MID2: variants seen among roughly 807,000 people sequenced by gnomAD.
The protein encoded by MID2 is midline 2, also known as probable E3 ubiquitin-protein ligase MID2.
Under a neutral mutation model 46.1 loss-of-function variants are expected in MID2, and 13 were observed. The observed-to-expected ratio is 0.28, with a 90% confidence interval of 0.18 to 0.45. MID2 has a LOEUF of 0.45. MID2 is among the 20% of genes least tolerant of loss of function. The probability of loss-of-function intolerance (pLI) is 1.00; values close to 1 mark genes in which losing one functional copy is unlikely to be tolerated. For missense variants in MID2, 431 were observed against 575.4 expected (o/e 0.75, Z 2.57); for synonymous variants, 199 against 212.3 (o/e 0.94, Z 0.55).
chrX:107,926,675 G>A lies in MID2; in HGVS notation c.1810G>A (p.Ala604Thr). Reference sequence around the variant, plus strand: ...CTCCTTTCCACTGTCTCACAGGTATGCAATTGGCATTGCCTACAAATCAGC... The same window carrying A: ...CTCCTTTCCACTGTCTCACAGGTATACAATTGGCATTGCCTACAAATCAGC... Reference protein sequence around the residue: ...EVVMGSSTWYAIGIAYKSAPK... With the variant: ...EVVMGSSTWYTIGIAYKSAPK... Residue 604 changes from alanine to threonine, a missense_variant, in exon 10 of 10, where the codon GCA (alanine) becomes ACA (threonine). Transcript: ENST00000262843. The A allele has an allele frequency of 8.3e-7, 1 of 1,206,802 alleles. No homozygotes were observed. The highest frequency in any genetic ancestry group is 1.8e-5 in the South Asian group (1 of 56,538).
At chrX:107,868,393 C>A (rs753177172) in intron 3 of MID2, among the ~76,000 whole-genome samples, 1 of 111,260 alleles carries the variant, frequency 9.0e-6, no homozygotes, top group East Asian at 2.8e-4. Flanking sequence ...ACTTAAATAT[C>A]TTGAAATGTC....
intron 3 of MID2, among the ~76,000 whole-genome samples, chrX:107,871,223 AC>A (rs1041924890): frequency 9.0e-6 from 1 of 111,386 alleles, no homozygotes; most frequent in African/African-American, 3.3e-5. Flanking sequence ...AATTTCCCTG[AC>A]CCCTTTGCTG....
intron 5 of MID2, 79 bp from the exon 6 acceptor site, chrX:107,915,923 T>G: frequency 1.0e-6 from 1 of 981,656 alleles, no homozygotes; most frequent in Non-Finnish European, 1.4e-6. Context: ...TATTTTCTCC[T>G]TGTTAAACCA....
At chrX:107,884,411 AC>A (rs1363221548) in intron 3 of MID2, among the ~76,000 whole-genome samples, 2 of 112,247 alleles carry the variant, frequency 1.8e-5, no homozygotes, top group African/African-American at 6.5e-5. Context: ...GATTCTCATA[AC>A]CACTTGTGAG....
At chrX:107,863,334 C>T (rs1931896231) in intron 3 of MID2, among the ~76,000 whole-genome samples, 1 of 112,034 alleles carries the variant, frequency 8.9e-6, no homozygotes, top group African/African-American at 3.2e-5. Flanking sequence ...TCCTCCCTCA[C>T]ATCTATAGGG....
In MID2 at chrX:107,916,162, A is replaced by AT. The variant is rs749818994; in HGVS notation, c.1201+41dup. The AT allele has an allele frequency of 1.1e-4, 121 of 1,058,513 alleles. No homozygotes were observed. In the African/African-American group the frequency reaches 2.1e-3, roughly 19 times the overall value. 87.2% of individuals were successfully genotyped at this position (1,058,513 alleles called of 1,213,427 possible). A position where few individuals can be genotyped will look rare whatever the true frequency, so the allele number is the denominator to read the frequency against. Reference sequence around the variant, plus strand: ...AATACTGTGCTTTCCTTTCCATTTAATTTTTTTTCTTCTGGTATGCTTTTA... The same window carrying AT: ...AATACTGTGCTTTCCTTTCCATTTAATTTTTTTTTCTTCTGGTATGCTTTTA... On this transcript the variant is annotated intron_variant, in intron 6 of 9. Coordinates refer to ENST00000262843, the MANE Select transcript of MID2 (RefSeq NM_012216.4).
At chrX:107,911,876 G>A (rs1327706333) in intron 5 of MID2, among the ~76,000 whole-genome samples, 2 of 111,898 alleles carry the variant, frequency 1.8e-5, no homozygotes, top group Non-Finnish European at 3.8e-5. Context: ...TGGAGGGGCA[G>A]CGGTGTGGAA....
Position 107,841,118 on chromosome X carries a change from A to G in MID2, c.453A>G (p.Val151=). 2 of 1,211,530 alleles carry G rather than the reference A, an allele frequency of 1.7e-6. No homozygotes were observed. The highest frequency in any genetic ancestry group is 2.2e-6 in the Non-Finnish European group (2 of 895,317). Residue 151 remains valine (V), a synonymous_variant, in exon 2 of 10, where the codon GTA becomes GTG. Coordinates refer to ENST00000262843, the MANE Select transcript of MID2 (RefSeq NM_012216.4). ...FCEQDPPRDA[V]KTCITCEVSY... is the part of the protein sequence containing the mutation. ...AGCAGGACCCGCCAAGGGATGCAGT[A>G]AAAACATGCATCACCTGTGAGGTCT...
intron 3 of MID2, among the ~76,000 whole-genome samples, chrX:107,874,796 T>G (rs1932162219): frequency 1.8e-5 from 2 of 111,716 alleles, no homozygotes; most frequent in African/African-American, 6.5e-5. Context: ...TTGAGGGTTT[T>G]GGGGAGGGGA....
At chrX:107,846,151 G>C (rs1422497039) in intron 2 of MID2, among the ~76,000 whole-genome samples, 5 of 111,132 alleles carry the variant, frequency 4.5e-5, no homozygotes, top group Admixed American at 3.8e-4. Context: ...GGGAGTGTTA[G>C]AGCCTCAGCA....
At chrX:107,893,656 A>G (rs998744741) in intron 3 of MID2, among the ~76,000 whole-genome samples, 2 of 112,433 alleles carry the variant, frequency 1.8e-5, no homozygotes, top group Non-Finnish European at 3.7e-5. Context: ...ACTTATTAAT[A>G]GTAATATGCT....
chrX:107,880,306 G>T (rs766018574), intron 3 of MID2, among the ~76,000 whole-genome samples: 1 of 110,584 alleles, frequency 9.0e-6, no homozygotes, highest in South Asian at 3.9e-4. Flanking sequence ...ATATTTTGTA[G>T]AGACAGGATT....
At chrX:107,872,438 A>G (rs1393039352) in intron 3 of MID2, among the ~76,000 whole-genome samples, 1 of 112,566 alleles carries the variant, frequency 8.9e-6, no homozygotes, top group Non-Finnish European at 1.9e-5. Context: ...AGGCAAGACT[A>G]TAAAGAGGAT....
rs780251641 is a variant in MID2 at position 107,931,088 on chromosome X, G to A, written c.*4015G>A. Among the ~76,000 whole-genome samples the A allele has an allele frequency of 1.8e-5, 2 of 112,282 alleles. No individual in the cohort carries two copies. Among genetic ancestry groups the A allele is most frequent in the South Asian group, 7.4e-4 (2 of 2,685 alleles). On this transcript the variant is annotated 3_prime_UTR_variant, in exon 10 of 10. Coordinates refer to ENST00000262843, the MANE Select transcript of MID2 (RefSeq NM_012216.4). ...CAGATTGCAGCAAAATCACTTATCT[G>A]TTCTTTTCGGCTAAAACACTCTAGG...
chrX:107,917,819 C>G, intron 7 of MID2, 80 bp downstream of exon 7: 2 of 873,808 alleles, frequency 2.3e-6, no homozygotes, highest in Non-Finnish European at 3.3e-6. Flanking sequence ...ATTGCAAAGA[C>G]CTTACTGATG....
At chrX:107,891,077 C>G (rs749325961) in intron 3 of MID2, among the ~76,000 whole-genome samples, 1 of 110,021 alleles carries the variant, frequency 9.1e-6, no homozygotes, top group African/African-American at 3.3e-5. Flanking sequence ...TGAGGCGATG[C>G]CTCACCCTGC....
chrX:107,834,620 A>G (rs903457751), intron 1 of MID2, among the ~76,000 whole-genome samples: 48 of 112,104 alleles, frequency 4.3e-4, no homozygotes, highest in African/African-American at 1.4e-3. Context: ...AGTCACTTAT[A>G]TACTTTTTAA....
At chrX:107,917,447 G>A in intron 6 of MID2, 59 bp from the exon 7 acceptor site, 1 of 942,570 alleles carries the variant, frequency 1.1e-6, no homozygotes, top group Admixed American at 2.4e-5. Flanking sequence ...AGTAACAATT[G>A]TAAAATTCCA....
At chrX:107,901,180 A>C (rs1416370832) in intron 3 of MID2, 1 of 112,037 alleles carries the variant, frequency 8.9e-6, no homozygotes, top group Non-Finnish European at 1.9e-5. Flanking sequence ...GGAATGGAGA[A>C]GGAACAAAGA....
Sources: gnomAD v4.1 joint callset for allele counts (sites outside exome capture counted in the v4.1 genomes callset) on GRCh38, gnomAD v4.1.1 for gene constraint, MANE v1.5 for transcripts, NCBI Gene and HGNC (gene_info 2026-07-23, HGNC 2026-07-21) for gene names.